The following RIT2 variants were observed in gnomAD, a reference collection of about 807,000 sequenced individuals.
RIT2 encodes Ras like without CAAX 2, also known as GTP-binding protein Rit2.
A neutral mutation model predicts 23.7 loss-of-function variants in RIT2; 24 were observed. The ratio of observed to expected loss-of-function variants is 1.01; its 90% CI spans 0.73 to 1.43. The LOEUF (loss-of-function observed/expected upper bound fraction) is 1.43. RIT2 is among the 40% of genes most tolerant of loss of function. RIT2 has a pLI of 0.00. For missense variants in RIT2, 236 were observed against 266.9 expected (o/e 0.88, Z 0.81); for synonymous variants, 107 against 91.1 (o/e 1.17, Z -0.99).
At chr18:42,977,745 C>T (rs1430308575) in intron 2 of RIT2, among the ~76,000 whole-genome samples, 1 of 150,250 alleles carries the variant, frequency 6.7e-6, no homozygotes, top group Non-Finnish European at 1.5e-5. Context: ...GCATAAATGC[C>T]ACTTCAAGGA....
intron 3 of RIT2, among the ~76,000 whole-genome samples, chr18:42,966,017 G>A (rs1910214552): frequency 6.6e-6 from 1 of 152,006 alleles, no homozygotes; most frequent in Admixed American, 6.6e-5. Flanking sequence ...CGTGACCTTG[G>A]ATAAGCCACT....
chr18:42,776,171 C>T (rs1358125290), intron 4 of RIT2, among the ~76,000 whole-genome samples: 1 of 152,072 alleles, frequency 6.6e-6, no homozygotes, highest in Admixed American at 6.6e-5. Context: ...ATTTCCAGGG[C>T]TTGGGCAAAT....
chr18:42,903,934 C>T (rs1313113618), intron 4 of RIT2, among the ~76,000 whole-genome samples: 1 of 151,782 alleles, frequency 6.6e-6, no homozygotes, highest in Non-Finnish European at 1.5e-5. Flanking sequence ...AATTATAAAA[C>T]GCATGTGGCA....
intron 2 of RIT2, among the ~76,000 whole-genome samples, chr18:42,997,799 C>T (rs980468333): frequency 6.6e-6 from 1 of 152,106 alleles, no homozygotes; most frequent in Non-Finnish European, 1.5e-5. Context: ...CCCACCAACA[C>T]TTGGAAAATA....
chr18:42,934,618 T>C (rs1329468932), intron 3 of RIT2, among the ~76,000 whole-genome samples: 1 of 152,204 alleles, frequency 6.6e-6, no homozygotes, highest in Non-Finnish European at 1.5e-5. Context: ...GATATATGAA[T>C]ATCATGTTAA....
At chr18:43,107,549 GGTTTACTCAGCACCCT>G (rs1223621304) in intron 1 of RIT2, among the ~76,000 whole-genome samples, 1 of 152,130 alleles carries the variant, frequency 6.6e-6, no homozygotes, top group African/African-American at 2.4e-5. Flanking sequence ...AAATCGGTAT[GGTTTACTCAGCACCCT>G]GTTTACTTTC....
At chr18:42,991,371 G>A (rs1910843971) in intron 2 of RIT2, among the ~76,000 whole-genome samples, 1 of 152,186 alleles carries the variant, frequency 6.6e-6, no homozygotes, top group African/African-American at 2.4e-5. Flanking sequence ...TGCTGGGTTG[G>A]TGCAACCAAA....
chr18:42,811,099 C>A (rs759954962), intron 4 of RIT2, among the ~76,000 whole-genome samples: 3 of 151,948 alleles, frequency 2.0e-5, no homozygotes. Flanking sequence ...ACCTCAAAAG[C>A]CTCTTTTAAT....
intron 4 of RIT2, among the ~76,000 whole-genome samples, chr18:42,834,925 A>C (rs141542176): frequency 1.9e-3 from 292 of 152,246 alleles, no homozygotes; most frequent in Non-Finnish European, 3.5e-3. Flanking sequence ...ATGATTGTTA[A>C]ACAATGCAAG....
chr18:42,992,177 C>T (rs181003636), intron 2 of RIT2, among the ~76,000 whole-genome samples: 263 of 152,080 alleles, frequency 1.7e-3, no homozygotes, highest in African/African-American at 5.8e-3. Context: ...CTTAGCCTGT[C>T]CTCTCAAGAA....
At chr18:43,059,692 C>G (rs1371593143) in intron 1 of RIT2, among the ~76,000 whole-genome samples, 2 of 152,142 alleles carry the variant, frequency 1.3e-5, no homozygotes, top group Non-Finnish European at 2.9e-5. Context: ...CACTTATTAA[C>G]TTGACTTGTT....
chr18:42,893,200 T>C (rs949628617), intron 4 of RIT2, among the ~76,000 whole-genome samples: 1 of 128,854 alleles, frequency 7.8e-6, no homozygotes, highest in African/African-American at 3.0e-5. Flanking sequence ...CACTCCAGCC[T>C]GGGAAACAGA....
intron 4 of RIT2, among the ~76,000 whole-genome samples, chr18:42,747,527 C>T (rs981402887): frequency 7.9e-5 from 12 of 151,898 alleles, no homozygotes; most frequent in African/African-American, 2.9e-4. Flanking sequence ...TCATTCTTCA[C>T]AGAACTAGAA....
chr18:42,927,331 T>C (rs775257724), intron 3 of RIT2, among the ~76,000 whole-genome samples: 2 of 145,818 alleles, frequency 1.4e-5, no homozygotes, highest in Non-Finnish European at 3.0e-5. Context: ...CTATACCAAC[T>C]CTTTACACAA....
intron 2 of RIT2, among the ~76,000 whole-genome samples, chr18:42,975,683 G>T (rs1387433390): frequency 6.6e-6 from 1 of 152,026 alleles, no homozygotes; most frequent in Non-Finnish European, 1.5e-5. Flanking sequence ...CTGGATTTTG[G>T]CCTGCCTTCT....
intron 4 of RIT2, among the ~76,000 whole-genome samples, chr18:42,901,980 A>G (rs2144107478): frequency 6.6e-6 from 1 of 152,090 alleles, no homozygotes; most frequent in East Asian, 1.9e-4. Context: ...ATAGAAATCC[A>G]GCTGTCTTCT....
intron 1 of RIT2, among the ~76,000 whole-genome samples, chr18:43,060,253 C>G (rs1912613219): frequency 6.6e-6 from 1 of 152,118 alleles, no homozygotes; most frequent in Non-Finnish European, 1.5e-5. Flanking sequence ...GAATCAAGGT[C>G]TCCTGATACC....
intron 1 of RIT2, among the ~76,000 whole-genome samples, chr18:43,104,921 G>A (rs1268461955): frequency 3.3e-5 from 5 of 152,026 alleles, no homozygotes; most frequent in Non-Finnish European, 5.9e-5. Flanking sequence ...ATGGAGAATG[G>A]AAGACATGTC....
intron 4 of RIT2, among the ~76,000 whole-genome samples, chr18:42,781,987 A>C (rs548791583): frequency 6.6e-6 from 1 of 152,312 alleles, no homozygotes; most frequent in South Asian, 2.1e-4. Context: ...ACAGCAAATA[A>C]ATATTTATAA....
Sources: gnomAD v4.1 joint callset for allele counts (sites outside exome capture counted in the v4.1 genomes callset) on GRCh38, gnomAD v4.1.1 for gene constraint, MANE v1.5 for transcripts, NCBI Gene and HGNC (gene_info 2026-07-23, HGNC 2026-07-21) for gene names.